SPATS2: variants seen among roughly 807,000 people sequenced by gnomAD.
SPATS2 encodes spermatogenesis associated serine rich 2.
A neutral mutation model predicts 63.7 loss-of-function variants in SPATS2; 38 were observed. The observed-to-expected ratio is 0.60, with a 90% CI of 0.46 to 0.78. SPATS2 has a LOEUF of 0.78. Among genes scored for constraint, SPATS2 ranks in the 30% least tolerant of loss-of-function variants. SPATS2 has a pLI of 0.00. For synonymous variants in SPATS2, 207 were observed against 232.9 expected (o/e 0.89, Z 1.01); for missense variants, 588 against 666.2 (o/e 0.88, Z 1.29).
At chr12:49,448,712 CAAA>C (rs780015868) in intron 2 of SPATS2, among the ~76,000 whole-genome samples, 3 of 58,296 alleles carry the variant, frequency 5.1e-5, no homozygotes, top group Non-Finnish European at 7.1e-5. Context: ...GACCCTGTCT[CAAA>C]AAAAAAAAAA....
At chr12:49,466,190 GTC>G (rs796606094) in intron 3 of SPATS2, among the ~76,000 whole-genome samples, 10 of 151,914 alleles carry the variant, frequency 6.6e-5, no homozygotes, top group African/African-American at 2.4e-4. Context: ...TTGAAACGGA[GTC>G]TCTCTCTGTC....
chr12:49,494,881 T>A lies in SPATS2; in HGVS notation c.405T>A (p.Asn135Lys). The change falls in exon 7 of 14, where the codon AAT (asparagine) becomes AAA (lysine). Residue 135 changes from asparagine (N) to lysine (K), a missense_variant. By Grantham distance (94) the Asn-to-Lys change is moderately conservative (BLOSUM62 0). Coordinates refer to ENST00000552918, the MANE Select transcript of SPATS2 (RefSeq NM_023071.4). ...GTGGTATGAATGGCTACCATGTCAA[T>A]GGTGCCATCAATGACACTGAGTCTG... ...EKGGMNGYHV[N>K]GAINDTESVD... 1 of 1,614,056 alleles carries A rather than the reference T, an allele frequency of 6.2e-7. No homozygotes were observed. Among genetic ancestry groups the A allele is most frequent in the Non-Finnish European group, 8.5e-7 (1 of 1,180,018 alleles).
At chr12:49,392,957 C>T (rs1944444816) in intron 2 of SPATS2, among the ~76,000 whole-genome samples, 3 of 152,016 alleles carry the variant, frequency 2.0e-5, no homozygotes, top group Non-Finnish European at 4.4e-5. Context: ...GAGGCTGAGG[C>T]AGGAGAATTG....
At chr12:49,515,014 C>T (rs1946814933) in intron 10 of SPATS2, among the ~76,000 whole-genome samples, 1 of 152,202 alleles carries the variant, frequency 6.6e-6, no homozygotes, top group Admixed American at 6.5e-5. Flanking sequence ...ATACTCCTAT[C>T]ATTACCTATC....
chr12:49,474,326 C>A (rs1222932784), intron 3 of SPATS2, among the ~76,000 whole-genome samples: 1 of 152,156 alleles, frequency 6.6e-6, no homozygotes, highest in Non-Finnish European at 1.5e-5. Context: ...AAAAAAGAAT[C>A]TGACAGGTTT....
intron 2 of SPATS2, among the ~76,000 whole-genome samples, chr12:49,405,216 C>T (rs2137321248): frequency 6.6e-6 from 1 of 152,184 alleles, no homozygotes; most frequent in African/African-American, 2.4e-5. Flanking sequence ...CTGCTAGATG[C>T]TTTACATATT....
chr12:49,495,695 A>G (rs536620756), intron 7 of SPATS2, among the ~76,000 whole-genome samples: 1 of 152,348 alleles, frequency 6.6e-6, no homozygotes, highest in Admixed American at 6.5e-5. Context: ...AGCCTCCGGC[A>G]TAAATGGGTT....
intron 4 of SPATS2, among the ~76,000 whole-genome samples, chr12:49,486,628 T>C (rs1242272072): frequency 1.3e-5 from 2 of 152,144 alleles, no homozygotes; most frequent in African/African-American, 4.8e-5. Context: ...CTCACTTGTA[T>C]GGTTTTTTTA....
intron 3 of SPATS2, among the ~76,000 whole-genome samples, chr12:49,464,627 T>TAAA (rs562743662): frequency 9.3e-6 from 1 of 107,262 alleles, no homozygotes; most frequent in Non-Finnish European, 1.9e-5. Flanking sequence ...AACTCCATCT[T>TAAA]AAAAAAAAAA....
intron 2 of SPATS2, among the ~76,000 whole-genome samples, chr12:49,391,217 T>G (rs1223996120): frequency 6.6e-6 from 1 of 152,170 alleles, no homozygotes; most frequent in East Asian, 1.9e-4. Flanking sequence ...CTGTTGTCTT[T>G]TAAAATGTCA....
intron 2 of SPATS2, among the ~76,000 whole-genome samples, chr12:49,440,930 G>C (rs1460827780): frequency 1.3e-5 from 2 of 152,118 alleles, no homozygotes; most frequent in Non-Finnish European, 2.9e-5. Flanking sequence ...ATGTTCATTT[G>C]CCTTATTAAT....
At chr12:49,385,911 C>T (rs1307917883) in intron 2 of SPATS2, among the ~76,000 whole-genome samples, 6 of 150,690 alleles carry the variant, frequency 4.0e-5, no homozygotes, top group Non-Finnish European at 5.9e-5. Flanking sequence ...CTCTGTCTCC[C>T]GGGCTGGAGT....
chr12:49,375,056 A>T (rs893275338), intron 2 of SPATS2, among the ~76,000 whole-genome samples: 1 of 150,888 alleles, frequency 6.6e-6, no homozygotes, highest in African/African-American at 2.4e-5. Flanking sequence ...TCCAAATCCT[A>T]TAATAAATAA....
chr12:49,455,327 T>C (rs997117975), intron 2 of SPATS2, among the ~76,000 whole-genome samples: 1 of 152,180 alleles, frequency 6.6e-6, no homozygotes, highest in Admixed American at 6.5e-5. Context: ...TGTACGCTTA[T>C]GGTCAGCCAG....
At position 49,460,701 on chromosome 12, in the gene SPATS2, T is replaced by C. The variant is rs557273811; in HGVS notation, c.-243-69T>C. 1.1e-4 allele frequency: 35 copies of C among 310,112 alleles called. No individual in the cohort carries two copies. In the South Asian group the frequency reaches 2.3e-3, roughly 20 times the overall value. 19.2% of individuals were successfully genotyped at this position (310,112 alleles called of 1,614,324 possible). On this transcript the variant is annotated intron_variant, in intron 2 of 13. Coordinates refer to ENST00000552918, the MANE Select transcript of SPATS2 (RefSeq NM_023071.4). Reference sequence around the variant, plus strand: ...AGAAATACAAAAGAAACCTTGTGGATATCTCAGAAATTTTGTACAGATAGT... The same window carrying C: ...AGAAATACAAAAGAAACCTTGTGGACATCTCAGAAATTTTGTACAGATAGT...
At chr12:49,504,871 TC>T (rs1331501067) in intron 9 of SPATS2, among the ~76,000 whole-genome samples, 1 of 145,320 alleles carries the variant, frequency 6.9e-6, no homozygotes, top group African/African-American at 2.5e-5. Context: ...CAAGGGATCC[TC>T]CCACCTCAGC....
chr12:49,470,351 G>A (rs1946013913), intron 3 of SPATS2, among the ~76,000 whole-genome samples: 2 of 152,014 alleles, frequency 1.3e-5, no homozygotes, highest in African/African-American at 2.4e-5. Flanking sequence ...ATTTTTAGGA[G>A]TAATTTTTTT....
chr12:49,487,444 C>T (rs945759192), intron 4 of SPATS2, among the ~76,000 whole-genome samples: 2 of 152,148 alleles, frequency 1.3e-5, no homozygotes, highest in African/African-American at 4.8e-5. Context: ...GCCAAGATCT[C>T]ACCACTATAC....
At chr12:49,500,784 G>GA (rs917242854) in intron 9 of SPATS2, among the ~76,000 whole-genome samples, 4 of 144,688 alleles carry the variant, frequency 2.8e-5, no homozygotes, top group African/African-American at 7.6e-5. Flanking sequence ...AAAAAGAAAA[G>GA]AAAAAAAAAA....
Sources: gnomAD v4.1 joint callset for allele counts (sites outside exome capture counted in the v4.1 genomes callset) on GRCh38, gnomAD v4.1.1 for gene constraint, MANE v1.5 for transcripts, NCBI Gene and HGNC (gene_info 2026-07-23, HGNC 2026-07-21) for gene names.